Variants in CEP83 observed in about 807,000 individuals in gnomAD.
CEP83 encodes the protein centrosomal protein of 83 kDa.
Under a neutral mutation model 101.9 loss-of-function variants are expected in CEP83, and 70 were observed. The ratio of observed to expected loss-of-function variants is 0.69; its 90% CI spans 0.57 to 0.84. The LOEUF (loss-of-function observed/expected upper bound fraction) is 0.84, where lower values mean the gene tolerates loss of function less well. CEP83 is among the 40% of genes least tolerant of loss of function. The pLI is 0.00. For missense variants in CEP83, 715 were observed against 787.2 expected (o/e 0.91, Z 1.10); for synonymous variants, 264 against 267.9 (o/e 0.99, Z 0.14).
At chr12:94,329,506 T>TG (rs1416372030) in intron 14 of CEP83, among the ~76,000 whole-genome samples, 1 of 152,236 alleles carries the variant, frequency 6.6e-6, no homozygotes, top group Non-Finnish European at 1.5e-5. Context: ...CCACTCCTTC[T>TG]GGTATACTTA....
At chr12:94,348,119 A>C (rs577306909) in intron 11 of CEP83, among the ~76,000 whole-genome samples, 6 of 152,138 alleles carry the variant, frequency 3.9e-5, no homozygotes, top group Non-Finnish European at 5.9e-5. Context: ...AAAAAAATAT[A>C]TATATATACA....
intron 1 of CEP83, among the ~76,000 whole-genome samples, chr12:94,444,642 GT>G (rs2066665986): frequency 6.6e-6 from 1 of 152,126 alleles, no homozygotes; most frequent in African/African-American, 2.4e-5. Flanking sequence ...GATAGAATCA[GT>G]TCTTATCCTC....
At chr12:94,298,495 T>C in the CEP83 span, 1 of 722,998 alleles carries the variant, frequency 1.4e-6, no homozygotes, top group South Asian at 2.1e-5. Context: ...TTGACAATTT[T>C]ACATTTTTCT....
intron 1 of CEP83, among the ~76,000 whole-genome samples, chr12:94,445,490 T>C (rs1226883849): frequency 2.0e-5 from 3 of 152,132 alleles, no homozygotes; most frequent in Admixed American, 6.6e-5. Context: ...CTGGATTTCA[T>C]CAAAATGAAG....
chr12:94,429,275 G>A (rs938541006), intron 2 of CEP83, among the ~76,000 whole-genome samples: 9 of 152,066 alleles, frequency 5.9e-5, no homozygotes, highest in African/African-American at 2.2e-4. Context: ...GATGCCCAGG[G>A]GTCCACATTC....
chr12:94,305,210 G>T (rs754984741), downstream of CEP83: 1 of 1,609,986 alleles, frequency 6.2e-7, no homozygotes, highest in Non-Finnish European at 8.5e-7. Flanking sequence ...GAGAACGAGG[G>T]CTGGAAGAAG....
At chr12:94,405,298 A>C (rs2063473694) in intron 4 of CEP83, among the ~76,000 whole-genome samples, 1 of 152,236 alleles carries the variant, frequency 6.6e-6, no homozygotes, top group Non-Finnish European at 1.5e-5. Flanking sequence ...AAGTATTTTA[A>C]ATATGGCAAA....
the CEP83 span, chr12:94,300,964 C>A: frequency 6.2e-7 from 1 of 1,613,456 alleles, no homozygotes; most frequent in Admixed American, 1.7e-5. Context: ...TTGTCTTTGA[C>A]ATTAAGAAGA....
chr12:94,381,357 G>A (rs530684944), intron 6 of CEP83, among the ~76,000 whole-genome samples: 1 of 152,226 alleles, frequency 6.6e-6, no homozygotes, highest in South Asian at 2.1e-4. Flanking sequence ...ATTTAAATCT[G>A]CCTGTATTGC....
chr12:94,393,817 C>T (rs1441815032), intron 6 of CEP83, among the ~76,000 whole-genome samples: 2 of 152,138 alleles, frequency 1.3e-5, no homozygotes, highest in East Asian at 1.9e-4. Flanking sequence ...ACAAGCATTC[C>T]TATACACCAT....
the CEP83 span, among the ~76,000 whole-genome samples, chr12:94,267,351 G>A: frequency 5.9e-5 from 9 of 152,130 alleles, no homozygotes; most frequent in Admixed American, 5.9e-4. Flanking sequence ...CTTTCATTTC[G>A]AAACATTATT....
At position 94,331,795 on chromosome 12, in the gene CEP83, C is replaced by T; in HGVS notation, c.1612G>A (p.Glu538Lys). The T allele has an allele frequency of 6.2e-7, 1 of 1,613,112 alleles. No homozygotes were observed. Among genetic ancestry groups the T allele is most frequent in the Non-Finnish European group, 8.5e-7 (1 of 1,179,062 alleles). Residue 538 changes from glutamate (E) to lysine (K), a missense_variant, in exon 14 of 17, where the codon GAA becomes AAA. Glu to Lys is a moderately conservative substitution (Grantham distance 56, BLOSUM62 1). Transcript: ENST00000397809. The stretch of plus-strand genomic sequence containing the variant: ...ATACGCTCATGAAGCTTATGCTTTT[C>T]TTCCAACCACTGTATCTGTTTCTCT... ...LEEKQIQWLEEKHKLHERITD... is the reference protein window; with the variant it reads ...LEEKQIQWLEKKHKLHERITD...
At chr12:94,449,338 T>A (rs903584018) in intron 1 of CEP83, among the ~76,000 whole-genome samples, 4 of 152,074 alleles carry the variant, frequency 2.6e-5, no homozygotes, top group African/African-American at 9.7e-5. Flanking sequence ...ATGAATGCTA[T>A]CAAACATTTA....
Position 94,410,433 on chromosome 12 carries a change from C to CT in CEP83, c.324+1263dup, listed in dbSNP as rs200044787. Among the ~76,000 whole-genome samples the CT allele has an allele frequency of 6.5e-3, 988 of 151,962 alleles. 15 individuals are homozygous for CT. Among genetic ancestry groups the CT allele is most frequent in the African/African-American group, 0.023 (939 of 41,454 alleles). On this transcript the variant is annotated intron_variant, in intron 4 of 16. Coordinates refer to ENST00000397809, the MANE Select transcript of CEP83 (RefSeq NM_016122.3). Reference sequence around the variant, plus strand: ...TTATCATCTTCTGGAAGAACTGTCCCTTTTTTTTCATTATAAACATCCTTT... The same window carrying CT: ...TTATCATCTTCTGGAAGAACTGTCCCTTTTTTTTTCATTATAAACATCCTTT...
chr12:94,291,130 T>G, the CEP83 span, among the ~76,000 whole-genome samples: 86 of 152,272 alleles, frequency 5.6e-4, no homozygotes, highest in African/African-American at 2.0e-3. Flanking sequence ...TACCAAAAGG[T>G]CTTAGGTGAG....
At chr12:94,332,001 TC>T (rs2059246587) in intron 13 of CEP83, among the ~76,000 whole-genome samples, 172 bp from the exon 14 acceptor site, 2 of 152,334 alleles carry the variant, frequency 1.3e-5, no homozygotes, top group South Asian at 4.2e-4. Context: ...ACTGAGCACT[TC>T]CTATGAATAA....
At chr12:94,331,302 A>AAAAAAAAAAAG (rs1262364755) in intron 14 of CEP83, among the ~76,000 whole-genome samples, 3,199 of 125,102 alleles carry the variant, frequency 0.026, 328 homozygotes, top group African/African-American at 0.099. Flanking sequence ...AAAAAAAAAA[A>AAAAAAAAAAAG]AAAAAAAAAA....
At chr12:94,353,130 CG>C (rs1435014746) in intron 11 of CEP83, among the ~76,000 whole-genome samples, 2 of 152,010 alleles carry the variant, frequency 1.3e-5, no homozygotes, top group Non-Finnish European at 2.9e-5. Context: ...AGAAAATCCC[CG>C]TGAGACAAAC....
chr12:94,446,494 G>A (rs900120109), intron 1 of CEP83, among the ~76,000 whole-genome samples: 1 of 152,100 alleles, frequency 6.6e-6, no homozygotes, highest in Non-Finnish European at 1.5e-5. Context: ...CAGATCATGA[G>A]GTCAGGAGAT....
Sources: gnomAD v4.1 joint callset for allele counts (sites outside exome capture counted in the v4.1 genomes callset) on GRCh38, gnomAD v4.1.1 for gene constraint, MANE v1.5 for transcripts, NCBI Gene and HGNC (gene_info 2026-07-23, HGNC 2026-07-21) for gene names.